Variants in NCOA1 observed in about 807,000 individuals in gnomAD.
The protein encoded by NCOA1 is nuclear receptor coactivator 1, also known as Hin-2 protein.
Under a neutral mutation model 150.9 loss-of-function variants are expected in NCOA1, and 35 were observed. The ratio of observed to expected loss-of-function variants is 0.23; its 90% CI spans 0.18 to 0.31. The LOEUF (loss-of-function observed/expected upper bound fraction) is 0.31, where lower values mean the gene tolerates loss of function less well. Ranked by LOEUF, NCOA1 falls within the 10% of genes least tolerant of loss-of-function variation. The probability of loss-of-function intolerance (pLI) is 1.00; values close to 1 mark genes in which losing one functional copy is unlikely to be tolerated. For missense variants in NCOA1, 1,491 were observed against 1,749.3 expected (o/e 0.85, Z 2.63); for synonymous variants, 590 against 630.0 (o/e 0.94, Z 0.95).
chr2:24,578,364 G>C (rs1667071060), intron 2 of NCOA1, among the ~76,000 whole-genome samples: 1 of 152,000 alleles, frequency 6.6e-6, no homozygotes, highest in African/African-American at 2.4e-5. Context: ...ATCTTCTAAA[G>C]TAAGAAGACT....
chr2:24,562,823 GA>G (rs1311626265), intron 1 of NCOA1, among the ~76,000 whole-genome samples: 1 of 152,162 alleles, frequency 6.6e-6, no homozygotes, highest in Non-Finnish European at 1.5e-5. Flanking sequence ...CAAGCGACTA[GA>G]ATGGAGAAAG....
rs547891093 is a variant in NCOA1 at position 24,615,513 on chromosome 2, T to G, written c.-174-28453T>G. On this transcript the variant is annotated intron_variant, in intron 3 of 22. Transcript: ENST00000348332. Reference sequence around the variant, plus strand: ...TTATGTTGGCTTCTCTGCAGGAGATTGTAGTAAGCCTTAGTCTAGGACGTT... The same window carrying G: ...TTATGTTGGCTTCTCTGCAGGAGATGGTAGTAAGCCTTAGTCTAGGACGTT... Among the ~76,000 whole-genome samples the G allele has an allele frequency of 2.0e-3, 309 of 152,276 alleles. 2 individuals carry two copies. The highest frequency in any genetic ancestry group is 7.0e-3 in the African/African-American group (291 of 41,542).
rs988242643 is a variant in NCOA1 at position 24,705,339 on chromosome 2, A to G, written c.1097+106A>G. 2.6e-5 allele frequency: 32 copies of G among 1,219,240 alleles called. No individual in the cohort carries two copies. In the East Asian group the frequency reaches 7.5e-4, roughly 29 times the overall value. The allele number at this position is 1,219,240 out of a possible 1,614,324, so 75.5% of individuals were successfully genotyped here. A position where few individuals can be genotyped will look rare whatever the true frequency, so the allele number is the denominator to read the frequency against. ...GGCTAGAAAGCAGAAATTCTAAATT[A>G]GGCGTAAAACTAGTGTGATGAGTAT... is the stretch of plus-strand genomic sequence containing the variant. On this transcript the variant is annotated intron_variant, in intron 12 of 22. Transcript: ENST00000348332.
intron 17 of NCOA1, among the ~76,000 whole-genome samples, chr2:24,737,627 G>A (rs1399958694): frequency 2.6e-5 from 4 of 152,012 alleles, no homozygotes; most frequent in Non-Finnish European, 5.9e-5. Flanking sequence ...TTGCCACCTT[G>A]CATTCTCATC....
intron 1 of NCOA1, among the ~76,000 whole-genome samples, chr2:24,543,629 A>G (rs1433932527): frequency 6.6e-6 from 1 of 152,154 alleles, no homozygotes; most frequent in African/African-American, 2.4e-5. Flanking sequence ...CACTTAACCT[A>G]GATGAACAGG....
At chr2:24,567,827 T>A (rs931996304) in intron 2 of NCOA1, among the ~76,000 whole-genome samples, 1 of 152,208 alleles carries the variant, frequency 6.6e-6, no homozygotes, top group East Asian at 1.9e-4. Context: ...CTTGGCTCAC[T>A]GCAACCTCCG....
At chr2:24,746,522 A>G (rs571764686) in intron 19 of NCOA1, among the ~76,000 whole-genome samples, 9 of 152,320 alleles carry the variant, frequency 5.9e-5, no homozygotes, top group African/African-American at 1.9e-4. Flanking sequence ...AGTCTGGGCA[A>G]TAGAGCAAGC....
chr2:24,658,559 G>A (rs1045585584), intron 4 of NCOA1, 102 bp from the exon 5 acceptor site: 1 of 759,234 alleles, frequency 1.3e-6, no homozygotes, highest in African/African-American at 1.7e-5. Flanking sequence ...CATTGATATA[G>A]CACAATTTTT....
chr2:24,684,218 G>A (rs749080242), intron 8 of NCOA1, among the ~76,000 whole-genome samples: 14 of 152,164 alleles, frequency 9.2e-5, no homozygotes, highest in Non-Finnish European at 1.8e-4. Flanking sequence ...AGGACTACTG[G>A]TGTATGGATT....
intron 1 of NCOA1, among the ~76,000 whole-genome samples, chr2:24,512,024 G>C (rs557277365): frequency 1.3e-5 from 2 of 152,038 alleles, no homozygotes; most frequent in Admixed American, 1.3e-4. Flanking sequence ...CACTTCATTT[G>C]TTTCACCCTC....
chr2:24,640,313 A>G (rs1670152235), intron 3 of NCOA1, among the ~76,000 whole-genome samples: 1 of 152,162 alleles, frequency 6.6e-6, no homozygotes, highest in Admixed American at 6.6e-5. Context: ...GTACTGTTCT[A>G]CGAGTGTTCA....
At position 24,755,547 on chromosome 2, in the gene NCOA1, A is replaced by G. The variant is rs79630389; in HGVS notation, c.3882-2426A>G. Among the ~76,000 whole-genome samples the G allele has an allele frequency of 2.4e-4, 37 of 152,338 alleles. No homozygotes were observed. In the East Asian group the frequency reaches 6.6e-3, roughly 27 times the overall value. On this transcript the variant is annotated intron_variant, in intron 20 of 22. Transcript: ENST00000348332. ...CAAATACCTAGTGCTACCCTGAGAA[A>G]ACTGTGATAGCTGCTACAAAGCAGG... is the stretch of plus-strand genomic sequence containing the variant.
chr2:24,556,617 G>A (rs959878153), intron 1 of NCOA1, among the ~76,000 whole-genome samples: 5 of 152,080 alleles, frequency 3.3e-5, no homozygotes, highest in Non-Finnish European at 7.4e-5. Flanking sequence ...GCCAACAAAC[G>A]TATGGAAAAA....
intron 3 of NCOA1, among the ~76,000 whole-genome samples, chr2:24,617,118 TG>T (rs995285562): frequency 6.6e-6 from 1 of 152,100 alleles, no homozygotes; most frequent in African/African-American, 2.4e-5. Context: ...GGTATGAAGT[TG>T]GGGAGGATGG....
chr2:24,533,063 A>G (rs994919582), intron 1 of NCOA1, among the ~76,000 whole-genome samples: 3 of 152,120 alleles, frequency 2.0e-5, no homozygotes, highest in Non-Finnish European at 2.9e-5. Flanking sequence ...TTTTCACGAT[A>G]TTGATTCTTC....
intron 8 of NCOA1, 110 bp downstream of exon 8, chr2:24,683,238 T>C (rs1672256881): frequency 1.6e-6 from 1 of 620,628 alleles, no homozygotes. Flanking sequence ...TTATATATGT[T>C]ATAATATGTG....
At chr2:24,713,590 G>A (rs958525122) in intron 14 of NCOA1, among the ~76,000 whole-genome samples, 2 of 152,172 alleles carry the variant, frequency 1.3e-5, no homozygotes, top group Non-Finnish European at 2.9e-5. Flanking sequence ...ATTGGCACTG[G>A]TCTAGTCCTC....
intron 3 of NCOA1, among the ~76,000 whole-genome samples, chr2:24,636,141 A>C (rs1434714459): frequency 6.6e-6 from 1 of 152,216 alleles, no homozygotes; most frequent in Non-Finnish European, 1.5e-5. Flanking sequence ...AGATATGCAT[A>C]AAGTAAACCA....
Position 24,586,003 on chromosome 2 carries a change from G to A in NCOA1, c.-175+1443G>A, listed in dbSNP as rs772652858. Among the ~76,000 whole-genome samples the A allele has an allele frequency of 3.3e-5, 5 of 152,080 alleles. 1 individual carries two copies. The highest frequency in any genetic ancestry group is 7.4e-5 in the Non-Finnish European group (5 of 68,014). ...TAAAGATTCATTTGGGGCCAGGGGCGGTGGCTCACGCCTGTAATCCCATCA... is the reference window on the plus strand; with the variant it reads ...TAAAGATTCATTTGGGGCCAGGGGCAGTGGCTCACGCCTGTAATCCCATCA... On this transcript the variant is annotated intron_variant, in intron 3 of 22. Coordinates refer to ENST00000348332, the MANE Select transcript of NCOA1 (RefSeq NM_003743.5).
Sources: gnomAD v4.1 joint callset for allele counts (sites outside exome capture counted in the v4.1 genomes callset) on GRCh38, gnomAD v4.1.1 for gene constraint, MANE v1.5 for transcripts, NCBI Gene and HGNC (gene_info 2026-07-23, HGNC 2026-07-21) for gene names.